Variants in THRAP3 observed in about 807,000 individuals in gnomAD.
The protein encoded by THRAP3 is thyroid hormone receptor-associated protein 3.
In THRAP3, 16 loss-of-function variants were observed where a neutral mutation model predicts 101.0. That is an observed-to-expected ratio of 0.16 (90% CI 0.11 to 0.24). The LOEUF (loss-of-function observed/expected upper bound fraction) is 0.24, where lower values mean the gene tolerates loss of function less well. THRAP3 is among the 10% of genes least tolerant of loss of function. The pLI is 1.00. For synonymous variants in THRAP3, 407 were observed against 422.6 expected (o/e 0.96, Z 0.45); for missense variants, 989 against 1,202.7 (o/e 0.82, Z 2.63).
At chr1:36,270,001 G>A (rs909694032) in intron 2 of THRAP3, among the ~76,000 whole-genome samples, 5 of 152,186 alleles carry the variant, frequency 3.3e-5, no homozygotes, top group Non-Finnish European at 7.3e-5. Context: ...TGCCTGCAGA[G>A]TATTGATAAT....
At chr1:36,218,262 G>A in the THRAP3 span, among the ~76,000 whole-genome samples, 9 of 151,242 alleles carry the variant, frequency 6.0e-5, no homozygotes, top group South Asian at 2.1e-4. Flanking sequence ...CCAGCTACTC[G>A]GGAGGCTGAG....
the THRAP3 span, among the ~76,000 whole-genome samples, chr1:36,217,532 A>ATT: frequency 3.4e-5 from 5 of 145,802 alleles, no homozygotes; most frequent in African/African-American, 1.2e-4. Context: ...TAGATATGGC[A>ATT]TTTTTTTTTT....
At chr1:36,215,813 G>T in the THRAP3 span, among the ~76,000 whole-genome samples, 1 of 151,326 alleles carries the variant, frequency 6.6e-6, no homozygotes, top group African/African-American at 2.4e-5. Flanking sequence ...GCAACGGCAC[G>T]ATCTCAGCTC....
chr1:36,285,222 C>T (rs982213351), intron 3 of THRAP3, among the ~76,000 whole-genome samples: 2 of 152,158 alleles, frequency 1.3e-5, no homozygotes, highest in Admixed American at 1.3e-4. Flanking sequence ...TGCTGATTAA[C>T]TGAAGAGTTT....
intron 1 of THRAP3, among the ~76,000 whole-genome samples, chr1:36,243,119 T>C (rs1163762688): frequency 4.0e-5 from 6 of 151,276 alleles, no homozygotes; most frequent in Admixed American, 4.0e-4. Flanking sequence ...TATAAGTGGT[T>C]TGGGAATAAG....
At chr1:36,270,976 A>T (rs1645583452) in intron 2 of THRAP3, among the ~76,000 whole-genome samples, 1 of 151,926 alleles carries the variant, frequency 6.6e-6, no homozygotes, top group African/African-American at 2.4e-5. Context: ...CTTTTTTTTT[A>T]GAATAATGGG....
intron 6 of THRAP3, among the ~76,000 whole-genome samples, chr1:36,292,239 GGTAACATAATGTGTTTCTT>G (rs1645879864): frequency 7.6e-6 from 1 of 131,794 alleles, no homozygotes; most frequent in Non-Finnish European, 1.6e-5. Context: ...GTCTGCCTTT[GGTAACATAATGTGTTTCTT>G]TGTTTCTTTT....
intron 2 of THRAP3, among the ~76,000 whole-genome samples, chr1:36,272,516 G>GA (rs1385276249): frequency 6.6e-6 from 1 of 152,124 alleles, no homozygotes; most frequent in African/African-American, 2.4e-5. Context: ...GACCTCCAGA[G>GA]AAAAGAGTAA....
chr1:36,297,843 G>A (rs1645972437), intron 9 of THRAP3, among the ~76,000 whole-genome samples: 1 of 151,766 alleles, frequency 6.6e-6, no homozygotes, highest in Admixed American at 6.6e-5. Context: ...TTAGAATAAT[G>A]TGCCTTACGA....
the THRAP3 span, among the ~76,000 whole-genome samples, chr1:36,210,460 G>T: frequency 6.7e-6 from 1 of 149,370 alleles, no homozygotes; most frequent in East Asian, 2.0e-4. Context: ...AGGCCGAGGT[G>T]GGCAGATTGC....
intron 1 of THRAP3, among the ~76,000 whole-genome samples, chr1:36,252,134 T>C (rs1645308973): frequency 6.6e-6 from 1 of 152,206 alleles, no homozygotes; most frequent in Non-Finnish European, 1.5e-5. Flanking sequence ...TTTTTATTTA[T>C]TTATTTTTGA....
chr1:36,230,855 G>GGA (rs1645020317), intron 1 of THRAP3, among the ~76,000 whole-genome samples: 1 of 152,158 alleles, frequency 6.6e-6, no homozygotes, highest in Non-Finnish European at 1.5e-5. Flanking sequence ...GAGATTTTGT[G>GGA]TAAAAATGTG....
chr1:36,260,354 CCCCTT>C (rs1232215099), intron 2 of THRAP3, among the ~76,000 whole-genome samples: 1 of 152,218 alleles, frequency 6.6e-6, no homozygotes, highest in Admixed American at 6.5e-5. Context: ...CTTCCCCACT[CCCCTT>C]CCCAGCCCCT....
chr1:36,268,168 C>T (rs976287357), intron 2 of THRAP3, among the ~76,000 whole-genome samples: 3 of 150,938 alleles, frequency 2.0e-5, no homozygotes, highest in African/African-American at 4.9e-5. Context: ...GGCAACAGTG[C>T]GAGACTCTGT....
rs1407145829 is a variant in THRAP3 at position 36,296,649 on chromosome 1, A to G, written c.2182A>G (p.Lys728Glu). The G allele has an allele frequency of 1.2e-6, 2 of 1,607,430 alleles. No homozygotes were observed. Among genetic ancestry groups the G allele is most frequent in the Admixed American group, 1.7e-5 (1 of 57,808 alleles). The change falls in exon 9 of 12, where the codon AAG becomes GAG. Residue 728 changes from lysine to glutamate, a missense_variant. By Grantham distance (56) the Lys-to-Glu change is moderately conservative (BLOSUM62 1). Coordinates refer to ENST00000354618, the MANE Select transcript of THRAP3 (RefSeq NM_005119.4). ...TGATATTGAACGTCGTAAAAAACATAAGGAGAGAGATCTTAAACGAGGTAA... is the reference window on the plus strand; with the variant it reads ...TGATATTGAACGTCGTAAAAAACATGAGGAGAGAGATCTTAAACGAGGTAA... ...RLDIERRKKHKERDLKRGKSR... is the reference protein window; with the variant it reads ...RLDIERRKKHEERDLKRGKSR...
In THRAP3 at chr1:36,286,370, C is replaced by A. The variant is rs1645795755; in HGVS notation, c.140C>A (p.Ser47Tyr). The A allele has an allele frequency of 1.3e-6, 2 of 1,570,544 alleles. No homozygotes were observed. Among genetic ancestry groups the A allele is most frequent in the Non-Finnish European group, 1.7e-6 (2 of 1,162,046 alleles). Residue 47 changes from serine (S) to tyrosine (Y), a missense_variant and splice_region_variant, in exon 4 of 12, where the codon TCT becomes TAT. Coordinates refer to ENST00000354618, the MANE Select transcript of THRAP3 (RefSeq NM_005119.4). This position sits in a 1 kb window ranked among gnomAD's most constrained non-coding sequence, Gnocchi z 5.5. ...TGTCTCTTTCCTTTCCATTCCAGTT[C>A]TAGGTCTCGTTCCAGATCATATTCT... ...LSRSRKRRLS[S>Y]RSRSRSYSPA...
intron 2 of THRAP3, among the ~76,000 whole-genome samples, chr1:36,272,022 G>A (rs1175325652): frequency 6.6e-6 from 1 of 152,260 alleles, no homozygotes; most frequent in Non-Finnish European, 1.5e-5. Context: ...GAGCCACTGT[G>A]CCTGGCCCTG....
At chr1:36,303,091 G>A (rs576139621) in intron 11 of THRAP3, among the ~76,000 whole-genome samples, 46 of 150,640 alleles carry the variant, frequency 3.1e-4, no homozygotes, top group African/African-American at 8.8e-4. Flanking sequence ...GACTACAGGC[G>A]CACACCCCCA....
intron 9 of THRAP3, among the ~76,000 whole-genome samples, chr1:36,299,387 C>T (rs1195483176): frequency 1.3e-5 from 2 of 151,520 alleles, no homozygotes; most frequent in Non-Finnish European, 1.5e-5. Context: ...TGCAGTGAGC[C>T]GAGATCGCAC....
Sources: gnomAD v4.1 joint callset for allele counts (sites outside exome capture counted in the v4.1 genomes callset) on GRCh38, gnomAD v4.1.1 for gene constraint, Gnocchi (gnomAD v3.1) non-coding constraint, MANE v1.5 for transcripts, NCBI Gene and HGNC (gene_info 2026-07-23, HGNC 2026-07-21) for gene names.